Variants in COL6A6 observed in about 807,000 individuals in gnomAD.
COL6A6 encodes the protein collagen alpha-6(VI) chain.
In COL6A6, 183 loss-of-function variants were observed where a neutral mutation model predicts 208.6. The ratio of observed to expected loss-of-function variants is 0.88; its 90% CI spans 0.78 to 0.99. The LOEUF (loss-of-function observed/expected upper bound fraction) is 0.99, where lower values mean the gene tolerates loss of function less well. Ranked by LOEUF, COL6A6 falls within the 50% of genes least tolerant of loss-of-function variation. The pLI is 0.00. For synonymous variants in COL6A6, 973 were observed against 1,011.8 expected, an observed-to-expected ratio of 0.96 and a Z score of 0.73; for missense variants, 2,816 against 2,815.2, an observed-to-expected ratio of 1.00 and a Z score of -0.01.
intron 1 of COL6A6, among the ~76,000 whole-genome samples, chr3:130,548,747 C>T (rs1045099744): frequency 6.6e-6 from 1 of 152,230 alleles, no homozygotes; most frequent in African/African-American, 2.4e-5. Flanking sequence ...CTTGTACACT[C>T]TAAGTCTCCT....
chr3:130,636,404 A>G (rs553234639), intron 28 of COL6A6, among the ~76,000 whole-genome samples: 20 of 152,200 alleles, frequency 1.3e-4, no homozygotes, highest in Non-Finnish European at 2.8e-4. Flanking sequence ...CTGACTCTCT[A>G]TATATCTTAG....
At chr3:130,658,854 G>A (rs2065869701) in intron 34 of COL6A6, 82 bp downstream of exon 34, 3 of 963,150 alleles carry the variant, frequency 3.1e-6, no homozygotes, top group Non-Finnish European at 3.3e-6. Context: ...CTGGAACTTG[G>A]CAGCAGGGAT....
intron 8 of COL6A6, 70 bp from the exon 9 acceptor site, chr3:130,581,491 A>G (rs1014869397): frequency 9.0e-7 from 1 of 1,111,834 alleles, no homozygotes; most frequent in Non-Finnish European, 1.3e-6. Context: ...CCCTTGATTC[A>G]GACATGGTGT....
rs2063437157 is a variant in COL6A6, at chr3:130,582,029, G to A, written c.3931G>A (p.Glu1311Lys). Residue 1311 changes from glutamate (E) to lysine (K), a missense_variant, in exon 10 of 37, where the codon GAG becomes AAG. Physicochemically the swap from Glu to Lys is moderately conservative, Grantham distance 56 (BLOSUM62 1). Transcript: ENST00000358511. ...LFSDGLDDDV[E>K]KLEQKSDELR... ...TTCAGATGGATTGGATGATGATGTT[G>A]AGAAACTTGAACAAAAATCTGATGA... 2 of 1,609,292 alleles carry A rather than the reference G, an allele frequency of 1.2e-6. No homozygotes were observed. The highest frequency in any genetic ancestry group is 2.7e-5 in the African/African-American group (2 of 74,766).
At chr3:130,609,096 T>A (rs926277914) in intron 22 of COL6A6, 132 bp downstream of exon 22, 1 of 683,370 alleles carries the variant, frequency 1.5e-6, no homozygotes, top group African/African-American at 1.8e-5. Flanking sequence ...GGTAATAAAG[T>A]AAGGAAGCAA....
At chr3:130,653,516 GAAGA>G (rs759597757) in intron 33 of COL6A6, among the ~76,000 whole-genome samples, 4 of 152,238 alleles carry the variant, frequency 2.6e-5, no homozygotes, top group South Asian at 2.1e-4. Context: ...GATGTTTAGA[GAAGA>G]AAGAGTAAGG....
intron 6 of COL6A6, 73 bp downstream of exon 6, chr3:130,568,677 T>G: frequency 7.7e-7 from 1 of 1,306,876 alleles, no homozygotes; most frequent in Non-Finnish European, 1.0e-6. Flanking sequence ...TTTCTTGAAT[T>G]TAATTCTATT....
At chr3:130,643,338 A>G (rs2065372617) in intron 31 of COL6A6, among the ~76,000 whole-genome samples, 1 of 152,214 alleles carries the variant, frequency 6.6e-6, no homozygotes, top group Non-Finnish European at 1.5e-5. Context: ...TTTTTAAAAG[A>G]TGATTATTAA....
intron 36 of COL6A6, among the ~76,000 whole-genome samples, chr3:130,672,827 G>A (rs2108497784): frequency 6.6e-6 from 1 of 151,750 alleles, no homozygotes; most frequent in South Asian, 2.1e-4. Context: ...TGGCCAACAT[G>A]GTGAAACCCC....
At chr3:130,537,832 A>G (rs1284804558) in intron 1 of COL6A6, among the ~76,000 whole-genome samples, 1 of 152,238 alleles carries the variant, frequency 6.6e-6, no homozygotes, top group African/African-American at 2.4e-5. Context: ...AAATTGTGTC[A>G]GTATGGCTGC....
At chr3:130,657,860 A>G (rs188021128) in intron 33 of COL6A6, among the ~76,000 whole-genome samples, 40 of 152,322 alleles carry the variant, frequency 2.6e-4, no homozygotes, top group African/African-American at 9.4e-4. Context: ...GAAAAACTAA[A>G]ATATCATCTG....
chr3:130,604,219 C>A (rs1368314885), intron 20 of COL6A6, among the ~76,000 whole-genome samples: 1 of 152,182 alleles, frequency 6.6e-6, no homozygotes, highest in Admixed American at 6.5e-5. Context: ...CTGGGCCGGG[C>A]GTGGTGGCTC....
intron 8 of COL6A6, among the ~76,000 whole-genome samples, chr3:130,576,647 T>C (rs2063305131): frequency 7.8e-6 from 1 of 128,306 alleles, no homozygotes; most frequent in Non-Finnish European, 1.6e-5. Context: ...TGAGTTATTT[T>C]TTAAATAGTC....
upstream of COL6A6, among the ~76,000 whole-genome samples, chr3:130,517,075 C>T (rs527893087): frequency 1.6e-4 from 24 of 152,330 alleles, no homozygotes; most frequent in South Asian, 4.8e-3. Flanking sequence ...GCTGCGCCCC[C>T]CTCCTGGGGG....
At chr3:130,611,838 G>A (rs1471826881) in intron 23 of COL6A6, among the ~76,000 whole-genome samples, 1 of 152,090 alleles carries the variant, frequency 6.6e-6, no homozygotes, top group Non-Finnish European at 1.5e-5. Flanking sequence ...GGTTATGCAG[G>A]CAAACTGCAT....
In COL6A6 at chr3:130,517,193, C is replaced by A. The variant is rs570906468; in HGVS notation, c.-236C>A. On this transcript the variant is annotated 5_prime_UTR_variant, in exon 1 of 37. Coordinates refer to ENST00000358511, the MANE Select transcript of COL6A6 (RefSeq NM_001102608.3). ...GTGGGAGCTGCCACCCGCTTGCCTG[C>A]GGGACACCGGAGTCAAGAGGCTGCC... is the stretch of plus-strand genomic sequence containing the variant. Among the ~76,000 whole-genome samples the A allele has an allele frequency of 6.6e-6, 1 of 152,350 alleles. No homozygotes were observed. Among genetic ancestry groups the A allele is most frequent in the African/African-American group, 2.4e-5 (1 of 41,586 alleles).
intron 35 of COL6A6, among the ~76,000 whole-genome samples, chr3:130,664,076 G>T (rs1206051107): frequency 6.6e-6 from 1 of 152,112 alleles, no homozygotes; most frequent in Non-Finnish European, 1.5e-5. Flanking sequence ...GTTACTGACT[G>T]GTCTTCTGGT....
intron 1 of COL6A6, among the ~76,000 whole-genome samples, chr3:130,542,416 T>C (rs1164484907): frequency 6.6e-6 from 1 of 152,218 alleles, no homozygotes; most frequent in African/African-American, 2.4e-5. Context: ...TTTTTTTAAA[T>C]TTGTGAACGT....
chr3:130,567,002 A>G lies in COL6A6; in HGVS notation c.1583A>G (p.Lys528Arg). 6.2e-7 allele frequency: 1 copy of G among 1,614,054 alleles called. No homozygotes were observed. The highest frequency in any genetic ancestry group is 1.1e-5 in the South Asian group (1 of 91,086). The change falls in exon 5 of 37, where the codon AAA (lysine) becomes AGA (arginine). Residue 528 changes from lysine (K) to arginine (R), a missense_variant. Coordinates refer to ENST00000358511, the MANE Select transcript of COL6A6 (RefSeq NM_001102608.3). ...ALNFTLSLLQ[K>R]AKKQRGNKVP... is the part of the protein sequence containing the mutation. ...AATTTCACACTGAGTCTGTTGCAAAAAGCAAAGAAGCAGCGAGGAAACAAA... is the reference window on the plus strand; with the variant it reads ...AATTTCACACTGAGTCTGTTGCAAAGAGCAAAGAAGCAGCGAGGAAACAAA...
Sources: allele counts gnomAD v4.1 joint callset (sites outside exome capture counted in the v4.1 genomes callset), GRCh38; gene constraint gnomAD v4.1.1; transcripts MANE v1.5; gene names NCBI Gene and HGNC (gene_info 2026-07-23, HGNC 2026-07-21).